Variants in CTNNA3 observed in about 807,000 individuals in gnomAD.
CTNNA3 encodes the protein catenin alpha 3.
CTNNA3 carries 76 observed loss-of-function variants against 95.7 expected under a neutral mutation model. The ratio of observed to expected loss-of-function variants is 0.79; its 90% CI spans 0.66 to 0.96. The LOEUF (loss-of-function observed/expected upper bound fraction) is 0.96, where lower values mean the gene tolerates loss of function less well. CTNNA3 is among the 40% of genes least tolerant of loss of function. The pLI, the probability that CTNNA3 is intolerant of heterozygous loss-of-function variation, is 0.00. For synonymous variants in CTNNA3, 431 were observed against 374.4 expected, an observed-to-expected ratio of 1.15 and a Z score of -1.74; for missense variants, 1,191 against 1,089.8, an observed-to-expected ratio of 1.09 and a Z score of -1.31.
chr10:66,915,513 A>G (rs1481069407), intron 7 of CTNNA3, among the ~76,000 whole-genome samples: 1 of 151,968 alleles, frequency 6.6e-6, no homozygotes, highest in Admixed American at 6.6e-5. Flanking sequence ...AGGTGCTTCA[A>G]CAAAATGAGT....
chr10:65,950,921 T>C (rs896354400), intron 17 of CTNNA3, among the ~76,000 whole-genome samples: 4 of 152,280 alleles, frequency 2.6e-5, no homozygotes, highest in South Asian at 2.1e-4. Flanking sequence ...GATTTTTTTT[T>C]CTATCTCTGT....
chr10:66,732,063 G>T lies in CTNNA3; in HGVS notation c.1281+34201C>A, dbSNP rs889095009. On this transcript the variant is annotated intron_variant, in intron 9 of 17. Coordinates refer to ENST00000433211, the MANE Select transcript of CTNNA3 (RefSeq NM_013266.4). ...TAAATAAAGTTCATAACAGCTGTTT[G>T]TAACATCTAGATTTAACTTTAGGGG... Among the ~76,000 whole-genome samples the T allele has an allele frequency of 1.3e-4, 20 of 152,228 alleles. 1 individual carries two copies. Among genetic ancestry groups the T allele is most frequent in the Admixed American group, 5.2e-4 (8 of 15,276 alleles).
chr10:67,681,650 T>A (rs1431247249), intron 1 of CTNNA3, among the ~76,000 whole-genome samples: 1 of 152,010 alleles, frequency 6.6e-6, no homozygotes, highest in Non-Finnish European at 1.5e-5. Flanking sequence ...AATAAATTTA[T>A]AATAATTAAG....
At chr10:67,392,129 T>C (rs1030597528) in intron 5 of CTNNA3, among the ~76,000 whole-genome samples, 2 of 151,952 alleles carry the variant, frequency 1.3e-5, no homozygotes, top group Non-Finnish European at 2.9e-5. Context: ...ACCTACAAAA[T>C]GGGAGAAAAT....
At chr10:66,566,235 G>T (rs1386142) in intron 10 of CTNNA3, among the ~76,000 whole-genome samples, 54,696 of 151,996 alleles carry the variant, frequency 0.36, 10,531 homozygotes, top group Admixed American at 0.43. Flanking sequence ...ACAGTGATAG[G>T]ACTTGGAGAA....
chr10:67,278,504 T>A (rs1332927763), intron 5 of CTNNA3, among the ~76,000 whole-genome samples: 1 of 152,192 alleles, frequency 6.6e-6, no homozygotes, highest in African/African-American at 2.4e-5. Flanking sequence ...GTTGAGTTTA[T>A]CTGAAGACTG....
intron 15 of CTNNA3, among the ~76,000 whole-genome samples, 156 bp from the exon 16 acceptor site, chr10:65,988,953 T>C (rs533005165): frequency 6.6e-6 from 1 of 152,260 alleles, no homozygotes; most frequent in South Asian, 2.1e-4. Context: ...TTGTGATTGT[T>C]TGTTTTGAGA....
chr10:67,043,800 T>A (rs1854554923), intron 7 of CTNNA3, among the ~76,000 whole-genome samples: 1 of 152,164 alleles, frequency 6.6e-6, no homozygotes, highest in African/African-American at 2.4e-5. Flanking sequence ...GCACAGCAAC[T>A]CAATAGCACA....
chr10:66,482,024 C>A (rs1839555283), intron 11 of CTNNA3, among the ~76,000 whole-genome samples: 1 of 151,760 alleles, frequency 6.6e-6, no homozygotes, highest in Non-Finnish European at 1.5e-5. Flanking sequence ...CAAATTAGGT[C>A]TAAATTTATG....
At chr10:66,989,357 A>G (rs75391260) in intron 7 of CTNNA3, among the ~76,000 whole-genome samples, 7,054 of 152,306 alleles carry the variant, frequency 0.046, 344 homozygotes, top group African/African-American at 0.12. Flanking sequence ...ATTGTGGCAG[A>G]GGAAAATTTA....
intron 5 of CTNNA3, among the ~76,000 whole-genome samples, chr10:67,487,184 C>A (rs12412949): frequency 6.6e-6 from 1 of 152,122 alleles, no homozygotes; most frequent in Non-Finnish European, 1.5e-5. Context: ...AAAAAGCCTG[C>A]GAAAGTGTCA....
Position 67,722,707 on chromosome 10 carries a change from C to T in CTNNA3, c.-2+40727G>A, listed in dbSNP as rs190103993. Among the ~76,000 whole-genome samples, 16 of 152,224 alleles carry T rather than the reference C, an allele frequency of 1.1e-4. 1 individual carries two copies. Among genetic ancestry groups the T allele is most frequent in the East Asian group, 1.9e-4 (1 of 5,184 alleles). ...AGCAGTAATTAATGCCTATACCACA[C>T]AAAAAGTGTTTTATATCAACTCTTA... On this transcript the variant is annotated intron_variant, in intron 1 of 17. Coordinates refer to the CTNNA3 transcript ENST00000684154.
intron 11 of CTNNA3, among the ~76,000 whole-genome samples, chr10:66,426,190 A>G (rs1231025291): frequency 6.6e-6 from 1 of 151,712 alleles, no homozygotes; most frequent in Non-Finnish European, 1.5e-5. Flanking sequence ...TCTTTTTCCA[A>G]CTTTTGGCTA....
chr10:66,329,603 AG>A, intron 12 of CTNNA3, among the ~76,000 whole-genome samples: 1 of 151,956 alleles, frequency 6.6e-6, no homozygotes, highest in Admixed American at 6.5e-5. Flanking sequence ...CTACTACAAA[AG>A]TACTATCGTA....
chr10:66,614,241 T>C (rs1260389041), intron 10 of CTNNA3, among the ~76,000 whole-genome samples: 7 of 151,962 alleles, frequency 4.6e-5, no homozygotes, highest in Middle Eastern at 3.4e-3. Flanking sequence ...AAATTGGGAG[T>C]TTCTACACTC....
intron 14 of CTNNA3, among the ~76,000 whole-genome samples, chr10:66,080,371 A>T (rs888264510): frequency 6.6e-6 from 1 of 152,108 alleles, no homozygotes; most frequent in Non-Finnish European, 1.5e-5. Flanking sequence ...TTACTCCATT[A>T]TAGTAACCCA....
intron 13 of CTNNA3, among the ~76,000 whole-genome samples, chr10:66,206,188 T>C (rs2131934322): frequency 6.6e-6 from 1 of 152,034 alleles, no homozygotes; most frequent in Non-Finnish European, 1.5e-5. Context: ...CAATCATAGC[T>C]TGGGGTAATT....
chr10:66,877,726 A>G (rs1046257789), intron 7 of CTNNA3, among the ~76,000 whole-genome samples: 1 of 152,050 alleles, frequency 6.6e-6, no homozygotes, highest in African/African-American at 2.4e-5. Context: ...TTTTTATTCC[A>G]TATCCTCTAT....
intron 16 of CTNNA3, among the ~76,000 whole-genome samples, chr10:65,976,444 T>C (rs571251206): frequency 6.6e-6 from 1 of 152,284 alleles, no homozygotes; most frequent in Admixed American, 6.5e-5. Context: ...GAAAAGCCTA[T>C]AATTCCATTA....
Sources: gnomAD v4.1 joint callset for allele counts (sites outside exome capture counted in the v4.1 genomes callset) on GRCh38, gnomAD v4.1.1 for gene constraint, MANE v1.5 for transcripts, NCBI Gene and HGNC (gene_info 2026-07-23, HGNC 2026-07-21) for gene names.